Variants in USP3 observed in about 807,000 individuals in gnomAD.
USP3 encodes the protein ubiquitin carboxyl-terminal hydrolase 3.
In USP3, 20 loss-of-function variants were observed where a neutral mutation model predicts 72.3. The observed-to-expected ratio is 0.28, with a 90% CI of 0.19 to 0.40. USP3 has a LOEUF of 0.40. USP3 is among the 10% of genes least tolerant of loss of function. The pLI, the probability that USP3 is intolerant of heterozygous loss-of-function variation, is 1.00. For missense variants in USP3, 479 were observed against 633.9 expected (o/e 0.76, Z 2.62); for synonymous variants, 222 against 225.3 (o/e 0.99, Z 0.13).
At chr15:63,521,964 CAA>C (rs1368011047) in intron 1 of USP3, among the ~76,000 whole-genome samples, 1 of 152,184 alleles carries the variant, frequency 6.6e-6, no homozygotes, top group African/African-American at 2.4e-5. Flanking sequence ...TTATTTGAGA[CAA>C]AATCTTGCTT....
In USP3 at chr15:63,535,513, A is replaced by C. The variant is rs577093423; in HGVS notation, c.153-1512A>C. On this transcript the variant is annotated intron_variant, in intron 2 of 14. Transcript: ENST00000380324. ...GGTTAAATAATTCATCCAAGCTCTC[A>C]TGGCCAGGATGTGATAAAGCCTAAT... 4.8e-4 allele frequency among the ~76,000 whole-genome samples: 73 copies of C among 152,360 alleles called. No individual in the cohort carries two copies. The South Asian group carries it at 0.015, about 32-fold the overall frequency.
intron 14 of USP3, among the ~76,000 whole-genome samples, chr15:63,589,393 AT>A (rs926089643): frequency 1.3e-5 from 2 of 152,052 alleles, no homozygotes; most frequent in African/African-American, 2.4e-5. Flanking sequence ...AAAAACATTA[AT>A]TTTTTCCCCT....
rs1381542372 is a variant in USP3, at chr15:63,553,828, G to A, written c.368+30G>A. ...GTAATAGGCCTTTGGAAAAAGAAGG[G>A]CCTAAGAATGGGGTTGAGGAGTCTT... On this transcript the variant is annotated intron_variant, in intron 4 of 14. Transcript: ENST00000380324. This position sits in a 1 kb window ranked among gnomAD's most constrained non-coding sequence, Gnocchi z 4.2. The A allele has an allele frequency of 1.3e-6, 2 of 1,585,890 alleles. No individual in the cohort carries two copies. Among genetic ancestry groups the A allele is most frequent in the East Asian group, 2.3e-5 (1 of 44,066 alleles).
chr15:63,564,692 T>A (rs2066660334), intron 8 of USP3, among the ~76,000 whole-genome samples: 1 of 152,208 alleles, frequency 6.6e-6, no homozygotes, highest in Non-Finnish European at 1.5e-5. Flanking sequence ...GAATGTAGCA[T>A]GTGGAGTCTC....
intron 2 of USP3, among the ~76,000 whole-genome samples, chr15:63,536,364 A>C (rs8025240): frequency 0.49 from 73,912 of 151,576 alleles, 18,919 homozygotes; most frequent in Non-Finnish European, 0.56. Flanking sequence ...ACTTGAGCAG[A>C]GTCTATGGCC....
intron 1 of USP3, 152 bp from the exon 2 acceptor site, chr15:63,532,495 C>A: frequency 1.3e-6 from 1 of 783,232 alleles, no homozygotes; most frequent in Non-Finnish European, 2.1e-6. Flanking sequence ...AATTAGGCAG[C>A]CATTTTGTGT....
intron 1 of USP3, chr15:63,527,891 T>G (rs1392227346): frequency 6.6e-6 from 1 of 152,242 alleles, no homozygotes; most frequent in African/African-American, 2.4e-5. Flanking sequence ...TAAGTGGTTT[T>G]AGGAGGAAGA....
chr15:63,567,018 A>G (rs1275917043), intron 8 of USP3, among the ~76,000 whole-genome samples: 2 of 152,224 alleles, frequency 1.3e-5, no homozygotes, highest in East Asian at 3.8e-4. Flanking sequence ...TACAATATAT[A>G]CAGATTATAT....
chr15:63,574,080 G>A lies in USP3; in HGVS notation c.943G>A (p.Gly315Arg), dbSNP rs1279408759. ...GASTVVTAIF[G>R]GILQNEVNCL... ...ATCTACTGTTGTCACGGCTATATTC[G>A]GAGGCATTCTCCAAAATGAGGTTAA... The change falls in exon 10 of 15, where the codon GGA becomes AGA. Residue 315 changes from glycine to arginine, a missense_variant. Gly to Arg is a moderately radical substitution (Grantham distance 125). Transcript: ENST00000380324. This position sits in a 1 kb window ranked among gnomAD's most constrained non-coding sequence, Gnocchi z 4.6. 15 of 1,597,328 alleles carry A rather than the reference G, an allele frequency of 9.4e-6. No homozygotes were observed. Among genetic ancestry groups the A allele is most frequent in the South Asian group, 9.2e-5 (8 of 86,994 alleles).
chr15:63,565,412 T>C (rs1165255378), intron 8 of USP3, among the ~76,000 whole-genome samples: 1 of 152,252 alleles, frequency 6.6e-6, no homozygotes, highest in African/African-American at 2.4e-5. Flanking sequence ...TCTTAGTATG[T>C]TCAGCTCTTT....
Position 63,562,746 on chromosome 15 carries a change from C to T in USP3, c.648-149C>T, listed in dbSNP as rs1463657726. The T allele has an allele frequency of 5.6e-6, 3 of 539,804 alleles. No homozygotes were observed. The East Asian group carries it at 9.1e-5, about 16-fold the overall frequency. 33.4% of individuals were successfully genotyped at this position (539,804 alleles called of 1,614,324 possible). On this transcript the variant is annotated intron_variant, in intron 7 of 14. Transcript: ENST00000380324. ...TACTTTTATGGGTTTTTGAGATGCT[C>T]TTATGTATCTTTCAGACTTTCTTCA...
At chr15:63,578,148 TGCCTGTA>T (rs2066895621) in intron 11 of USP3, among the ~76,000 whole-genome samples, 1 of 151,826 alleles carries the variant, frequency 6.6e-6, no homozygotes, top group South Asian at 2.1e-4. Flanking sequence ...CGGTGGCATG[TGCCTGTA>T]GTCCCAGCTC....
At chr15:63,560,331 G>T (rs767647064) in intron 7 of USP3, among the ~76,000 whole-genome samples, 7 of 151,128 alleles carry the variant, frequency 4.6e-5, no homozygotes, top group Non-Finnish European at 8.8e-5. Flanking sequence ...CAGGAGAATC[G>T]CTTGAACCCA....
At chr15:63,576,910 CCTTT>C (rs143117321) in intron 11 of USP3, among the ~76,000 whole-genome samples, 3,345 of 152,244 alleles carry the variant, frequency 0.022, 116 homozygotes, top group African/African-American at 0.074. Context: ...GACTGATACA[CCTTT>C]CTTTATTTAC....
intron 1 of USP3, among the ~76,000 whole-genome samples, chr15:63,522,029 C>T (rs958053890): frequency 6.6e-6 from 1 of 152,164 alleles, no homozygotes; most frequent in Non-Finnish European, 1.5e-5. Flanking sequence ...GCAGCCCTTA[C>T]CTTCCACGCT....
At chr15:63,527,356 T>C (rs903196802) in intron 1 of USP3, among the ~76,000 whole-genome samples, 1 of 152,238 alleles carries the variant, frequency 6.6e-6, no homozygotes, top group Admixed American at 6.5e-5. Context: ...TCCTCATCTT[T>C]CTGAATTCTT....
rs1407637942 is a variant in USP3 at position 63,529,103 on chromosome 15, A to G, written c.92-3544A>G. The G allele has an allele frequency of 1.6e-6, 2 of 1,244,884 alleles. No homozygotes were observed. The highest frequency in any genetic ancestry group is 4.6e-5 in the Admixed American group (2 of 43,448). 77.1% of individuals were successfully genotyped at this position (1,244,884 alleles called of 1,614,324 possible). A position where few individuals can be genotyped will look rare whatever the true frequency, so the allele number is the denominator to read the frequency against. On this transcript the variant is annotated intron_variant, in intron 1 of 14. Coordinates refer to ENST00000380324, the MANE Select transcript of USP3 (RefSeq NM_006537.4). The surrounding 1 kb of genome is among the most constrained non-coding windows in gnomAD (Gnocchi z 4.2). ...TGGCCTCGAACTCTAGGCTCAAGTG[A>G]TTCTTCTGCCTCAGCCTCCCAAGTA...
Position 63,519,581 on chromosome 15 carries a change from G to A in USP3, c.92-13066G>A, listed in dbSNP as rs2065891980. Among the ~76,000 whole-genome samples, 9 of 152,210 alleles carry A rather than the reference G, an allele frequency of 5.9e-5. No individual in the cohort carries two copies. The South Asian group carries it at 1.9e-3, about 32-fold the overall frequency. On this transcript the variant is annotated intron_variant, in intron 1 of 14. Transcript: ENST00000380324. The stretch of plus-strand genomic sequence containing the variant: ...ACTTTATTAAGGTAATATTTGGTAG[G>A]TTAATCAGCTATAAAGTTACTATTT...
At chr15:63,509,412 C>T (rs572192798) in intron 1 of USP3, among the ~76,000 whole-genome samples, 1 of 152,196 alleles carries the variant, frequency 6.6e-6, no homozygotes, top group East Asian at 1.9e-4. Flanking sequence ...CCCGCACTCC[C>T]AGTATTTTAG....
Sources: gnomAD v4.1 joint callset for allele counts (sites outside exome capture counted in the v4.1 genomes callset) on GRCh38, gnomAD v4.1.1 for gene constraint, Gnocchi (gnomAD v3.1) non-coding constraint, MANE v1.5 for transcripts, NCBI Gene and HGNC (gene_info 2026-07-23, HGNC 2026-07-21) for gene names.